Variants in KCNN3 observed in about 807,000 individuals in gnomAD.
The protein encoded by KCNN3 is potassium calcium-activated channel subfamily N member 3, also known as small conductance calcium-activated potassium channel protein 3.
In KCNN3, 16 loss-of-function variants were observed where a neutral mutation model predicts 62.9. The ratio of observed to expected loss-of-function variants is 0.25; its 90% CI spans 0.17 to 0.39. KCNN3 has a LOEUF of 0.39. KCNN3 is among the 10% of genes least tolerant of loss of function. KCNN3 has a pLI of 1.00. For synonymous variants in KCNN3, 370 were observed against 389.2 expected (o/e 0.95, Z 0.58); for missense variants, 599 against 949.4 (o/e 0.63, Z 4.85).
chr1:154,755,636 AAAAG>A (rs1172484296), intron 3 of KCNN3, among the ~76,000 whole-genome samples: 2 of 131,770 alleles, frequency 1.5e-5, no homozygotes, highest in Non-Finnish European at 3.5e-5. Context: ...GGAAAGAAAG[AAAAG>A]AAAGAAAGAA....
rs1700120170 is a variant in KCNN3, at chr1:154,713,451, C to T, written c.1899+13G>A. ...GCGTGTTCTAGGGGATGTCTCCAGA[C>T]ACTGCCACTCACCTTGGAAAGGTCC... On this transcript the variant is annotated intron_variant, in intron 7 of 7. Coordinates refer to ENST00000271915, the MANE Select transcript of KCNN3 (RefSeq NM_002249.6). 1.2e-6 allele frequency: 2 copies of T among 1,608,922 alleles called. No individual in the cohort carries two copies. Among genetic ancestry groups the T allele is most frequent in the Admixed American group, 1.7e-5 (1 of 60,008 alleles).
intron 3 of KCNN3, among the ~76,000 whole-genome samples, chr1:154,756,708 AT>A (rs894133392): frequency 2.0e-5 from 3 of 151,800 alleles, no homozygotes; most frequent in African/African-American, 7.3e-5. Flanking sequence ...AATGCCATAA[AT>A]TTTTTTTTAA....
Position 154,708,420 on chromosome 1 carries a change from C to T in KCNN3, c.1900-148G>A, listed in dbSNP as rs1050294878. On this transcript the variant is annotated intron_variant, in intron 7 of 7. Coordinates refer to ENST00000271915, the MANE Select transcript of KCNN3 (RefSeq NM_002249.6). The stretch of plus-strand genomic sequence containing the variant: ...GTCAAGGAAGGATACAGGCTTCTTT[C>T]CTGGGGATGGGGATGCTGAAGTGTG... The T allele has an allele frequency of 4.7e-6, 4 of 845,508 alleles. No individual in the cohort carries two copies. The African/African-American group carries it at 6.7e-5, about 14-fold the overall frequency. 52.4% of individuals were successfully genotyped at this position (845,508 alleles called of 1,614,324 possible). A position where few individuals can be genotyped will look rare whatever the true frequency, so the allele number is the denominator to read the frequency against.
At chr1:154,713,667 T>C (rs779013329) in intron 6 of KCNN3, 134 bp from the exon 7 acceptor site, 20 of 736,192 alleles carry the variant, frequency 2.7e-5, no homozygotes, top group Admixed American at 1.2e-4. Flanking sequence ...GGGGAACAAC[T>C]GAGGCTTTTA....
chr1:154,714,799 T>C, intron 6 of KCNN3, 77 bp downstream of exon 6: 7 of 1,583,886 alleles, frequency 4.4e-6, no homozygotes, highest in Non-Finnish European at 6.1e-6. Context: ...ATTTCTTCTG[T>C]GCTACTGACA....
intron 7 of KCNN3, among the ~76,000 whole-genome samples, chr1:154,710,931 G>A (rs1242338459): frequency 6.6e-6 from 1 of 152,202 alleles, no homozygotes; most frequent in African/African-American, 2.4e-5. Context: ...GGAAGTCAGT[G>A]TGGAGATTCC....
chr1:154,757,842 A>G (rs1647801915), intron 3 of KCNN3, among the ~76,000 whole-genome samples: 2 of 152,134 alleles, frequency 1.3e-5, no homozygotes, highest in Non-Finnish European at 2.9e-5. Flanking sequence ...GACTTTGGAT[A>G]CTCAAGGGAC....
rs200867139 is a variant in KCNN3 at position 154,733,004 on chromosome 1, A to G, written c.1589T>C (p.Met530Thr). The G allele has an allele frequency of 8.7e-6, 14 of 1,613,996 alleles. No individual in the cohort carries two copies. Among genetic ancestry groups the G allele is most frequent in the Non-Finnish European group, 1.1e-5 (13 of 1,180,010 alleles). Residue 530 changes from methionine (M) to threonine (T), a missense_variant and splice_region_variant, in exon 4 of 8, where the codon ATG (methionine) becomes ACG (threonine). Transcript: ENST00000271915. ...GKGVCLLTGI[M>T]GAGCTALVVA... ...GAATGGGGAGAGGCGGGTACTCACCATGATGCCAGTGAGGAGACAGACACC... is the reference window on the plus strand; with the variant it reads ...GAATGGGGAGAGGCGGGTACTCACCGTGATGCCAGTGAGGAGACAGACACC...
Position 154,772,532 on chromosome 1 carries a change from C to A in KCNN3, c.1030-139G>T, listed in dbSNP as rs548497570. 3.8e-6 allele frequency: 3 copies of A among 786,672 alleles called. No homozygotes were observed. Among genetic ancestry groups the A allele is most frequent in the Non-Finnish European group, 6.5e-6 (3 of 462,286 alleles). The allele number at this position is 786,672 out of a possible 1,614,324, so 48.7% of individuals were successfully genotyped here. The stretch of plus-strand genomic sequence containing the variant: ...CCACCTCAGCATGCTCTTTAGGGGC[C>A]TTGCTATGTGGCAAGAGCCCTGTAT... On this transcript the variant is annotated intron_variant, in intron 2 of 7. Transcript: ENST00000271915. The surrounding 1 kb of genome is among the most constrained non-coding windows in gnomAD (Gnocchi z 5.6).
intron 5 of KCNN3, among the ~76,000 whole-genome samples, chr1:154,721,805 GGGGCTCT>G (rs1700356484): frequency 6.6e-6 from 1 of 151,262 alleles, no homozygotes; most frequent in Non-Finnish European, 1.5e-5. Context: ...CAGAAAAGAT[GGGGCTCT>G]AGTATCTTTC....
chr1:154,855,953 G>A (rs1196403788), intron 1 of KCNN3, among the ~76,000 whole-genome samples: 2 of 152,046 alleles, frequency 1.3e-5, no homozygotes, highest in Non-Finnish European at 2.9e-5. Context: ...AAGCGCCAAG[G>A]GTCCTTGAGT....
At chr1:154,795,126 C>T (rs1039990154) in intron 2 of KCNN3, among the ~76,000 whole-genome samples, 1 of 152,192 alleles carries the variant, frequency 6.6e-6, no homozygotes, top group Non-Finnish European at 1.5e-5. Flanking sequence ...GAGAGAATGA[C>T]ATCCTAACGT....
intron 2 of KCNN3, among the ~76,000 whole-genome samples, chr1:154,813,349 C>T (rs945893455): frequency 2.0e-5 from 3 of 151,718 alleles, no homozygotes; most frequent in East Asian, 1.9e-4. Context: ...TGGCCTAGGG[C>T]GAGGACAAGT....
chr1:154,865,865 G>A (rs1218521825), intron 1 of KCNN3, among the ~76,000 whole-genome samples: 1 of 152,214 alleles, frequency 6.6e-6, no homozygotes, highest in Non-Finnish European at 1.5e-5. Flanking sequence ...CACCTCCCAA[G>A]GGCCTTTGAG....
chr1:154,851,301 A>G (rs1652291154), intron 1 of KCNN3, among the ~76,000 whole-genome samples: 1 of 152,136 alleles, frequency 6.6e-6, no homozygotes, highest in African/African-American at 2.4e-5. Context: ...GTTGCCAGCC[A>G]TGCCTCGAAC....
rs11319743 is a variant in KCNN3 at position 154,783,212 on chromosome 1, CAA to C, written c.1030-10821_1030-10820del. Among the ~76,000 whole-genome samples, 1,023 of 140,220 alleles carry C rather than the reference CAA, an allele frequency of 7.3e-3. 6 individuals carry two copies. The highest frequency in any genetic ancestry group is 0.011 in the Non-Finnish European group (726 of 65,038). 92.0% of individuals were successfully genotyped at this position (140,220 alleles called of 152,430 possible). On this transcript the variant is annotated intron_variant, in intron 2 of 7. Coordinates refer to ENST00000271915, the MANE Select transcript of KCNN3 (RefSeq NM_002249.6). The stretch of plus-strand genomic sequence containing the variant: ...TGGGTGACAGAACGAGACTCCATCT[CAA>C]AAAAAAAAAAAGAAAAAAGAAAAGA...
intron 1 of KCNN3, among the ~76,000 whole-genome samples, chr1:154,852,885 G>A (rs1426950515): frequency 6.6e-6 from 1 of 152,140 alleles, no homozygotes; most frequent in Non-Finnish European, 1.5e-5. Context: ...CCTTCACCTT[G>A]CTATTCCTCT....
chr1:154,832,930 T>C (rs535512460), intron 1 of KCNN3, among the ~76,000 whole-genome samples: 6 of 152,304 alleles, frequency 3.9e-5, no homozygotes, highest in African/African-American at 1.4e-4. Context: ...GCTACATTCA[T>C]TTCAGATGGC....
chr1:154,745,560 T>G (rs1396661459), intron 3 of KCNN3, among the ~76,000 whole-genome samples: 1 of 152,112 alleles, frequency 6.6e-6, no homozygotes, highest in Non-Finnish European at 1.5e-5. Context: ...TTTCTTGGAG[T>G]GTGTTTCTCT....
Sources: gnomAD v4.1 joint callset for allele counts (sites outside exome capture counted in the v4.1 genomes callset) on GRCh38, gnomAD v4.1.1 for gene constraint, Gnocchi (gnomAD v3.1) non-coding constraint, MANE v1.5 for transcripts, NCBI Gene and HGNC (gene_info 2026-07-23, HGNC 2026-07-21) for gene names.